Variants in DNAH8 observed in about 807,000 individuals in gnomAD.
DNAH8 encodes the protein axonemal beta dynein heavy chain 8.
Under a neutral mutation model 562.1 loss-of-function variants are expected in DNAH8, and 382 were observed. The ratio of observed to expected loss-of-function variants is 0.68; its 90% CI spans 0.63 to 0.74. The LOEUF is 0.74. Ranked by LOEUF, DNAH8 falls within the 30% of genes least tolerant of loss-of-function variation. DNAH8 has a pLI of 0.00. For missense variants in DNAH8, 5,203 were observed against 5,620.4 expected (o/e 0.93, Z 2.37); for synonymous variants, 1,881 against 1,919.4 (o/e 0.98, Z 0.52).
chr6:39,002,422 A>C (rs976267703), intron 88 of DNAH8, among the ~76,000 whole-genome samples: 6 of 152,142 alleles, frequency 3.9e-5, no homozygotes, highest in African/African-American at 1.4e-4. Context: ...CTCATCAGCT[A>C]TTTTCATTGA....
intron 26 of DNAH8, among the ~76,000 whole-genome samples, chr6:38,821,747 A>T (rs1772865567): frequency 6.6e-6 from 1 of 152,046 alleles, no homozygotes; most frequent in Non-Finnish European, 1.5e-5. Flanking sequence ...ATTATTGTGG[A>T]GATAGGATTT....
intron 44 of DNAH8, among the ~76,000 whole-genome samples, chr6:38,862,920 A>G (rs958582715): frequency 6.6e-6 from 1 of 152,196 alleles, no homozygotes; most frequent in African/African-American, 2.4e-5. Context: ...ATATTTGAAG[A>G]CACATCAACC....
chr6:38,726,653 T>C (rs888386883), intron 3 of DNAH8, among the ~76,000 whole-genome samples: 37 of 152,232 alleles, frequency 2.4e-4, no homozygotes, highest in African/African-American at 8.4e-4. Flanking sequence ...GAAAATCGTG[T>C]ACCCAGTAGG....
chr6:38,748,612 A>AAGAT (rs1765155043), intron 8 of DNAH8, among the ~76,000 whole-genome samples: 1 of 151,922 alleles, frequency 6.6e-6, no homozygotes, highest in African/African-American at 2.4e-5. Flanking sequence ...AGTTAATAAT[A>AAGAT]AGATAACAGC....
At position 38,951,464 on chromosome 6, in the gene DNAH8, C is replaced by T. The variant is rs1266809735; in HGVS notation, c.12395C>T (p.Ser4132Phe). Residue 4132 changes from serine to phenylalanine, a missense_variant, in exon 82 of 93, where the codon TCC becomes TTC. Ser to Phe is a radical substitution (Grantham distance 155, BLOSUM62 -2). Transcript: ENST00000327475. Reference sequence around the variant, plus strand: ...CGGACACCTCTGATATGCTTCCTGTCCATGGGATCTGACCCCACCAATCAA... The same window carrying T: ...CGGACACCTCTGATATGCTTCCTGTTCATGGGATCTGACCCCACCAATCAA... Reference protein sequence around the residue: ...DTRTPLICFLSMGSDPTNQID... With the variant: ...DTRTPLICFLFMGSDPTNQID... 6.2e-7 allele frequency: 1 copy of T among 1,614,076 alleles called. No individual in the cohort carries two copies. The highest frequency in any genetic ancestry group is 8.5e-7 in the Non-Finnish European group (1 of 1,180,022).
chr6:39,026,996 G>A (rs1464980871), intron 92 of DNAH8, among the ~76,000 whole-genome samples: 2 of 152,166 alleles, frequency 1.3e-5, no homozygotes, highest in African/African-American at 4.8e-5. Context: ...TGAGGCAGGA[G>A]GATTGCTTGA....
chr6:38,984,841 G>A (rs1475405732), intron 87 of DNAH8, among the ~76,000 whole-genome samples: 2 of 152,124 alleles, frequency 1.3e-5, no homozygotes, highest in African/African-American at 4.8e-5. Context: ...TTGTGGTGCA[G>A]AGCAGAGCAG....
Position 38,988,436 on chromosome 6 carries a change from G to A in DNAH8, c.13054-1576G>A, listed in dbSNP as rs578221782. Among the ~76,000 whole-genome samples, 4 of 152,276 alleles carry A rather than the reference G, an allele frequency of 2.6e-5. No homozygotes were observed. In the South Asian group the frequency reaches 6.2e-4, roughly 24 times the overall value. ...TGGTTATTTGTTATCTGTGTGCTGA[G>A]GACCCAGGGCCTTTGCCCCCTTAGG... is the stretch of plus-strand genomic sequence containing the variant. On this transcript the variant is annotated intron_variant, in intron 87 of 92. Coordinates refer to ENST00000327475, the MANE Select transcript of DNAH8 (RefSeq NM_001206927.2).
rs542457253 is a variant in DNAH8, at chr6:38,957,743, A to G, written c.12451+6223A>G. 7.1e-4 allele frequency among the ~76,000 whole-genome samples: 108 copies of G among 152,226 alleles called. 1 individual carries two copies. The highest frequency in any genetic ancestry group is 2.9e-3 in the South Asian group (14 of 4,828). On this transcript the variant is annotated intron_variant, in intron 82 of 92. Transcript: ENST00000327475. ...TTCCTGAATAACCAATGAGTCAAAG[A>G]AGAAATTTAAAAGGAGATTTAACAA... is the stretch of plus-strand genomic sequence containing the variant.
At chr6:38,936,399 T>A (rs1415279995) in intron 77 of DNAH8, 1 of 152,100 alleles carries the variant, frequency 6.6e-6, no homozygotes, top group East Asian at 1.9e-4. Flanking sequence ...CTCTCTGCAA[T>A]ATATAAAAAG....
chr6:38,837,822 T>A, intron 32 of DNAH8, 120 bp from the exon 33 acceptor site: 1 of 703,862 alleles, frequency 1.4e-6, no homozygotes, highest in South Asian at 1.9e-5. Context: ...TCACAAATCC[T>A]TATTTTATAG....
intron 28 of DNAH8, among the ~76,000 whole-genome samples, chr6:38,824,841 G>A (rs1773168855): frequency 6.6e-6 from 1 of 152,002 alleles, no homozygotes; most frequent in African/African-American, 2.4e-5. Context: ...GTGATTCTCT[G>A]AGGAAGAATC....
intron 21 of DNAH8, among the ~76,000 whole-genome samples, chr6:38,797,842 G>A (rs1214226279): frequency 6.6e-6 from 1 of 152,166 alleles, no homozygotes; most frequent in Non-Finnish European, 1.5e-5. Context: ...TGGAAGCTTT[G>A]TACTGTCACT....
At chr6:38,721,574 A>T (rs1025772925) in intron 1 of DNAH8, among the ~76,000 whole-genome samples, 2 of 152,078 alleles carry the variant, frequency 1.3e-5, no homozygotes, top group Non-Finnish European at 2.9e-5. Context: ...AGGCTAAAAA[A>T]ACCCTGCTGA....
At chr6:38,882,802 A>G (rs1453904810) in intron 53 of DNAH8, 108 bp from the exon 54 acceptor site, 1 of 696,012 alleles carries the variant, frequency 1.4e-6, no homozygotes, top group African/African-American at 1.9e-5. Context: ...AACATTTTGA[A>G]TGTTTATACG....
At chr6:38,982,488 T>C in intron 86 of DNAH8, 26 bp downstream of exon 86, 2 of 1,126,384 alleles carry the variant, frequency 1.8e-6, no homozygotes, top group Non-Finnish European at 2.7e-6. Flanking sequence ...CCTTTTTTCC[T>C]GTTTTTATTG....
chr6:38,869,060 A>G (rs1368232064), intron 48 of DNAH8, among the ~76,000 whole-genome samples: 1 of 152,186 alleles, frequency 6.6e-6, no homozygotes, highest in East Asian at 1.9e-4. Flanking sequence ...TGCCCATGCC[A>G]TGGGTGTACA....
chr6:38,778,683 A>G (rs1023973976), intron 14 of DNAH8, among the ~76,000 whole-genome samples: 9 of 152,208 alleles, frequency 5.9e-5, no homozygotes, highest in Non-Finnish European at 1.3e-4. Context: ...GTCTTTCAAC[A>G]AGAAAATGAA....
chr6:38,716,596 C>T (rs1185884136), intron 1 of DNAH8: 1 of 152,130 alleles, frequency 6.6e-6, no homozygotes. Context: ...CTTAGCCCTT[C>T]GTTAATTCAC....
Sources: gnomAD v4.1 joint callset for allele counts (sites outside exome capture counted in the v4.1 genomes callset) on GRCh38, gnomAD v4.1.1 for gene constraint, MANE v1.5 for transcripts, NCBI Gene and HGNC (gene_info 2026-07-23, HGNC 2026-07-21) for gene names.